KCNAB1: variants seen among roughly 807,000 people sequenced by gnomAD.
KCNAB1 encodes voltage-gated potassium channel subunit beta-1.
Under a neutral mutation model 64.6 loss-of-function variants are expected in KCNAB1, and 35 were observed. The observed-to-expected ratio is 0.54, with a 90% CI of 0.41 to 0.72. KCNAB1 has a LOEUF of 0.72. KCNAB1 is among the 30% of genes least tolerant of loss of function. The pLI is 0.00. For synonymous variants in KCNAB1, 177 were observed against 183.8 expected (o/e 0.96, Z 0.30); for missense variants, 401 against 512.9 (o/e 0.78, Z 2.11).
chr3:156,336,359 AAAACAAACAAAC>A (rs148137640), intron 1 of KCNAB1, among the ~76,000 whole-genome samples: 2 of 151,822 alleles, frequency 1.3e-5, no homozygotes, highest in African/African-American at 2.4e-5. Context: ...GAGACTCTGT[AAAACAAACAAAC>A]AAACAAACAA....
chr3:156,243,108 C>T (rs1200086858), intron 1 of KCNAB1, among the ~76,000 whole-genome samples: 4 of 152,064 alleles, frequency 2.6e-5, no homozygotes, highest in South Asian at 4.2e-4. Context: ...CAGGGTTTCA[C>T]CATGTTGGTC....
intron 1 of KCNAB1, among the ~76,000 whole-genome samples, chr3:156,414,415 A>G (rs900706561): frequency 2.6e-5 from 4 of 152,248 alleles, no homozygotes; most frequent in Non-Finnish European, 5.9e-5. Context: ...TAATGTATTA[A>G]CAAGTTCTAG....
At chr3:156,486,713 G>A (rs1715244018) in intron 8 of KCNAB1, among the ~76,000 whole-genome samples, 1 of 152,152 alleles carries the variant, frequency 6.6e-6, no homozygotes, top group Non-Finnish European at 1.5e-5. Flanking sequence ...GATGAAGGCT[G>A]GAGGACAGGG....
chr3:156,218,798 A>ATAATAAT (rs147332898), intron 1 of KCNAB1, among the ~76,000 whole-genome samples: 18 of 37,348 alleles, frequency 4.8e-4, no homozygotes, highest in African/African-American at 1.5e-3. Flanking sequence ...AAAAAAAAAA[A>ATAATAAT]AAAAATAATA....
At chr3:156,274,913 A>G (rs1354450941) in intron 1 of KCNAB1, among the ~76,000 whole-genome samples, 1 of 152,222 alleles carries the variant, frequency 6.6e-6, no homozygotes, top group African/African-American at 2.4e-5. Context: ...AATTTCAAGT[A>G]TACAATGCAG....
chr3:156,302,278 T>C (rs547575649), intron 1 of KCNAB1, among the ~76,000 whole-genome samples: 41 of 152,284 alleles, frequency 2.7e-4, no homozygotes, highest in African/African-American at 9.6e-4. Flanking sequence ...CTCAGAATCC[T>C]TAATTAATTC....
chr3:156,429,170 T>C (rs192760326), intron 2 of KCNAB1, among the ~76,000 whole-genome samples: 3 of 152,324 alleles, frequency 2.0e-5, no homozygotes, highest in Admixed American at 2.0e-4. Flanking sequence ...GCCCTGACGG[T>C]TCTGAAGGAA....
chr3:156,244,292 A>T (rs1717333447), intron 1 of KCNAB1, among the ~76,000 whole-genome samples: 1 of 152,134 alleles, frequency 6.6e-6, no homozygotes, highest in South Asian at 2.1e-4. Context: ...GCATCACTCC[A>T]ACCTCCAGTT....
intron 6 of KCNAB1, 69 bp from the exon 7 acceptor site, chr3:156,465,574 G>A: frequency 7.0e-7 from 1 of 1,424,784 alleles, no homozygotes; most frequent in East Asian, 2.3e-5. Flanking sequence ...TAGCAATTCA[G>A]ACCAGAGATT....
chr3:156,317,187 G>A (rs917960855), intron 1 of KCNAB1, among the ~76,000 whole-genome samples: 5 of 152,246 alleles, frequency 3.3e-5, no homozygotes, highest in South Asian at 2.1e-4. Context: ...GGTGGGATAG[G>A]TTTGTCAGCA....
intron 1 of KCNAB1, among the ~76,000 whole-genome samples, chr3:156,420,557 A>C (rs1021354427): frequency 6.6e-6 from 1 of 152,204 alleles, no homozygotes; most frequent in Non-Finnish European, 1.5e-5. Context: ...TGTGCCACCA[A>C]TTTGGAAGTT....
At chr3:156,427,776 C>T (rs991537619) in intron 2 of KCNAB1, among the ~76,000 whole-genome samples, 4 of 152,160 alleles carry the variant, frequency 2.6e-5, no homozygotes, top group African/African-American at 9.7e-5. Flanking sequence ...CTACCACATA[C>T]ACAGGTGATA....
In KCNAB1 at chr3:156,261,012, T is replaced by C. The variant is rs540343862; in HGVS notation, c.275+140126T>C. Among the ~76,000 whole-genome samples, 8 of 152,280 alleles carry C rather than the reference T, an allele frequency of 5.3e-5. 1 individual carries two copies. In the South Asian group the frequency reaches 1.4e-3, roughly 28 times the overall value. On this transcript the variant is annotated intron_variant, in intron 1 of 13. Transcript: ENST00000490337. The stretch of plus-strand genomic sequence containing the variant: ...ATGACTAATGAGGTTGAAAATCTTT[T>C]CATGTACTCATTGGCCATTCACTTA...
intron 8 of KCNAB1, among the ~76,000 whole-genome samples, chr3:156,509,366 A>G (rs1253318012): frequency 6.7e-6 from 1 of 149,390 alleles, no homozygotes; most frequent in African/African-American, 2.5e-5. Flanking sequence ...ATTTGTAACA[A>G]GTTTCCAGGT....
intron 2 of KCNAB1, among the ~76,000 whole-genome samples, chr3:156,424,591 T>C (rs1376273992): frequency 6.6e-6 from 1 of 152,108 alleles, no homozygotes; most frequent in Non-Finnish European, 1.5e-5. Context: ...GTAAGAAATA[T>C]ATGTAGTGAA....
intron 1 of KCNAB1, among the ~76,000 whole-genome samples, chr3:156,335,983 G>A (rs993274128): frequency 4.6e-5 from 7 of 151,720 alleles, no homozygotes; most frequent in South Asian, 2.1e-4. Flanking sequence ...TATCTACTTG[G>A]GAGTAAAAAG....
intron 1 of KCNAB1, among the ~76,000 whole-genome samples, chr3:156,320,327 T>C (rs1722573775): frequency 6.6e-6 from 1 of 152,236 alleles, no homozygotes; most frequent in South Asian, 2.1e-4. Context: ...GTTTCTGTAC[T>C]CTTAGAATCT....
At chr3:156,379,928 G>A (rs1383685161) in intron 1 of KCNAB1, among the ~76,000 whole-genome samples, 1 of 152,122 alleles carries the variant, frequency 6.6e-6, no homozygotes, top group African/African-American at 2.4e-5. Context: ...TTCACCATGC[G>A]GTGGATGTAG....
upstream of KCNAB1, among the ~76,000 whole-genome samples, chr3:156,119,021 G>A (rs1343339977): frequency 6.6e-6 from 1 of 152,200 alleles, no homozygotes; most frequent in East Asian, 1.9e-4. Flanking sequence ...TTTGATACAT[G>A]CTTCAGGCTG....
Sources: allele counts gnomAD v4.1 joint callset (sites outside exome capture counted in the v4.1 genomes callset), GRCh38; gene constraint gnomAD v4.1.1; transcripts MANE v1.5; gene names NCBI Gene and HGNC (gene_info 2026-07-23, HGNC 2026-07-21).